The following GLIS3 variants were observed in gnomAD, a reference collection of about 807,000 sequenced individuals.
GLIS3 encodes zinc finger protein GLIS3.
GLIS3 carries 53 observed loss-of-function variants against 78.6 expected under a neutral mutation model. The ratio of observed to expected loss-of-function variants is 0.67; its 90% CI spans 0.54 to 0.85. GLIS3 has a LOEUF of 0.85. Among genes scored for constraint, GLIS3 ranks in the 40% least tolerant of loss-of-function variants. The probability of loss-of-function intolerance (pLI) is 0.00; values close to 1 mark genes in which losing one functional copy is unlikely to be tolerated. For missense variants in GLIS3, 1,703 were observed against 1,231.1 expected (o/e 1.38, Z -5.74); for synonymous variants, 684 against 509.9 (o/e 1.34, Z -4.60).
chr9:3,932,959 A>G, intron 5 of GLIS3: 1 of 287,770 alleles, frequency 3.5e-6, no homozygotes, highest in Non-Finnish European at 7.0e-6. Context: ...AGAAGAGAAA[A>G]TTAGTGTAAA....
rs1225478144 is a variant in GLIS3, at chr9:3,829,734, T to C, written c.2474-242A>G. Among the ~76,000 whole-genome samples, 3 of 152,210 alleles carry C rather than the reference T, an allele frequency of 2.0e-5. No homozygotes were observed. In the East Asian group the frequency reaches 5.8e-4, roughly 29 times the overall value. Reference sequence around the variant, plus strand: ...TGTTTTTATTATGTGCTTTAGTATCTGAAGTGGGAAGGCTTCTTACCTTCC... The same window carrying C: ...TGTTTTTATTATGTGCTTTAGTATCCGAAGTGGGAAGGCTTCTTACCTTCC... On this transcript the variant is annotated intron_variant, in intron 9 of 10. Transcript: ENST00000381971.
chr9:4,319,718 C>G (rs576033255), intron 2 of GLIS3, among the ~76,000 whole-genome samples: 2 of 152,198 alleles, frequency 1.3e-5, no homozygotes, highest in African/African-American at 4.8e-5. Flanking sequence ...GAGGTAGAGA[C>G]AGGGTCTCAC....
chr9:4,313,348 C>A (rs1222740988), intron 2 of GLIS3, among the ~76,000 whole-genome samples: 4 of 152,210 alleles, frequency 2.6e-5, no homozygotes, highest in African/African-American at 9.7e-5. Flanking sequence ...TTCAGCCATT[C>A]TGCTCACTGT....
intron 6 of GLIS3, among the ~76,000 whole-genome samples, chr9:3,915,252 T>C (rs1001581653): frequency 1.3e-5 from 2 of 152,112 alleles, no homozygotes; most frequent in African/African-American, 4.8e-5. Context: ...CTTCTTATCA[T>C]CCACCCCCTC....
At chr9:4,412,817 A>T in the GLIS3 span, among the ~76,000 whole-genome samples, 1 of 152,272 alleles carries the variant, frequency 6.6e-6, no homozygotes, top group South Asian at 2.1e-4. Flanking sequence ...GGCCTGGCCC[A>T]TAAAAACTTA....
chr9:4,090,898 C>A (rs894694558), intron 4 of GLIS3, among the ~76,000 whole-genome samples: 1 of 152,208 alleles, frequency 6.6e-6, no homozygotes, highest in African/African-American at 2.4e-5. Context: ...ACAGTCGTTA[C>A]AACTGCAGGT....
chr9:4,486,056 T>C, the GLIS3 span, among the ~76,000 whole-genome samples: 6 of 152,236 alleles, frequency 3.9e-5, no homozygotes, highest in African/African-American at 1.4e-4. Context: ...ATTTTTATTA[T>C]TTCAAAATGT....
intron 1 of GLIS3, among the ~76,000 whole-genome samples, chr9:4,286,945 ACAAAG>A (rs1391376694): frequency 2.0e-5 from 3 of 152,214 alleles, no homozygotes; most frequent in African/African-American, 7.2e-5. Flanking sequence ...GTAAACAACC[ACAAAG>A]CAGACATGGC....
chr9:4,047,791 G>C (rs993368539), intron 4 of GLIS3, among the ~76,000 whole-genome samples: 3 of 152,160 alleles, frequency 2.0e-5, no homozygotes, highest in African/African-American at 7.2e-5. Flanking sequence ...ACATGAACCT[G>C]GGTGTTATGG....
the GLIS3 span, among the ~76,000 whole-genome samples, chr9:4,429,403 A>G: frequency 2.6e-5 from 4 of 151,852 alleles, no homozygotes; most frequent in Non-Finnish European, 1.5e-5. Context: ...CTCTTCCCAC[A>G]GAGCCTTTGC....
chr9:4,045,531 G>A (rs184321374), intron 4 of GLIS3, among the ~76,000 whole-genome samples: 1 of 151,040 alleles, frequency 6.6e-6, no homozygotes, highest in East Asian at 2.0e-4. Flanking sequence ...GTAGAGATGG[G>A]TTTCACCATG....
intron 2 of GLIS3, among the ~76,000 whole-genome samples, chr9:4,179,037 T>C (rs1045919511): frequency 1.3e-5 from 2 of 152,222 alleles, no homozygotes; most frequent in Non-Finnish European, 2.9e-5. Context: ...AGACAGCCAT[T>C]CTGCAATCAC....
intron 2 of GLIS3, among the ~76,000 whole-genome samples, chr9:4,173,619 T>C (rs1816570732): frequency 6.8e-6 from 1 of 147,480 alleles, no homozygotes; most frequent in South Asian, 2.2e-4. Context: ...TGTTTGTTTT[T>C]GAAACAAGGT....
At chr9:4,246,589 C>T (rs116224553) in intron 2 of GLIS3, among the ~76,000 whole-genome samples, 257 of 152,312 alleles carry the variant, frequency 1.7e-3, no homozygotes, top group African/African-American at 5.9e-3. Flanking sequence ...CCCATTACTG[C>T]AGCAAAGCAT....
intron 4 of GLIS3, among the ~76,000 whole-genome samples, chr9:3,996,357 T>G (rs1028631951): frequency 1.3e-5 from 2 of 152,152 alleles, no homozygotes; most frequent in African/African-American, 4.8e-5. Context: ...ATATTCACCA[T>G]GAAAATAATA....
chr9:3,992,737 T>C (rs1588410651), intron 4 of GLIS3, among the ~76,000 whole-genome samples: 2 of 152,350 alleles, frequency 1.3e-5, no homozygotes, highest in East Asian at 3.9e-4. Context: ...TTTGTAAAGG[T>C]ATCCCTCTCT....
chr9:4,416,252 T>TTTTAAAAAAAA, the GLIS3 span, among the ~76,000 whole-genome samples: 3 of 75,804 alleles, frequency 4.0e-5, no homozygotes, highest in African/African-American at 1.1e-4. Context: ...ACACTGTTTT[T>TTTTAAAAAAAA]AAAAAAAAAA....
At chr9:4,055,659 A>C (rs1212341281) in intron 4 of GLIS3, among the ~76,000 whole-genome samples, 1 of 152,176 alleles carries the variant, frequency 6.6e-6, no homozygotes, top group Non-Finnish European at 1.5e-5. Flanking sequence ...GGAAACGAGG[A>C]ATGATGGTGT....
upstream of GLIS3, among the ~76,000 whole-genome samples, chr9:4,350,952 T>C (rs903686812): frequency 6.6e-6 from 1 of 152,230 alleles, no homozygotes; most frequent in East Asian, 1.9e-4. Context: ...AAACCATTTG[T>C]GGCTCTTCTA....
Sources: gnomAD v4.1 joint callset for allele counts (sites outside exome capture counted in the v4.1 genomes callset) on GRCh38, gnomAD v4.1.1 for gene constraint, MANE v1.5 for transcripts, NCBI Gene and HGNC (gene_info 2026-07-23, HGNC 2026-07-21) for gene names.